BLM: variants seen among roughly 807,000 people sequenced by gnomAD.
The protein encoded by BLM is BLM RecQ like helicase.
In BLM, 95 loss-of-function variants were observed where a neutral mutation model predicts 135.3. The ratio of observed to expected loss-of-function variants is 0.70; its 90% confidence interval spans 0.59 to 0.83. The LOEUF (loss-of-function observed/expected upper bound fraction) is 0.83. Among genes scored for constraint, BLM ranks in the 40% least tolerant of loss-of-function variants. The pLI is 0.00. For synonymous variants in BLM, 520 were observed against 589.2 expected (o/e 0.88, Z 1.70); for missense variants, 1,518 against 1,663.9 (o/e 0.91, Z 1.53).
chr15:90,796,875 A>T (rs1054376905), intron 16 of BLM, among the ~76,000 whole-genome samples: 1 of 152,224 alleles, frequency 6.6e-6, no homozygotes, highest in Non-Finnish European at 1.5e-5. Context: ...TTAGGAGGAC[A>T]TCTGAGGTTG....
chr15:90,749,774 T>G lies in BLM; in HGVS notation c.506T>G (p.Phe169Cys), dbSNP rs1013299710. 1 of 1,612,710 alleles carries G rather than the reference T, an allele frequency of 6.2e-7. No individual in the cohort carries two copies. The stretch of plus-strand genomic sequence containing the variant: ...GATACTTCTGAGACTTCAAAATCAT[T>G]TGTTACACCACCCCAAAGTCACTTT... ...DFDTSETSKSFVTPPQSHFVR... is the reference protein window; with the variant it reads ...DFDTSETSKSCVTPPQSHFVR... The change falls in exon 3 of 22, where the codon TTT (phenylalanine) becomes TGT (cysteine). Residue 169 changes from phenylalanine to cysteine, a missense_variant. Physicochemically the swap from Phe to Cys is radical, Grantham distance 205. Around this residue, in one of 5 missense-constraint regions of BLM, gnomAD observed 724 missense variants for 756.9 expected, o/e 0.96. Coordinates refer to ENST00000355112, the MANE Select transcript of BLM (RefSeq NM_000057.4).
intron 17 of BLM, among the ~76,000 whole-genome samples, chr15:90,801,477 T>C (rs1224207068): frequency 2.6e-5 from 4 of 152,152 alleles, no homozygotes; most frequent in Admixed American, 1.3e-4. Flanking sequence ...AGAAGTTCTA[T>C]TGAAAGTTAG....
intron 10 of BLM, among the ~76,000 whole-genome samples, chr15:90,767,533 T>C (rs1222303139): frequency 2.6e-5 from 4 of 152,240 alleles, no homozygotes; most frequent in Admixed American, 6.5e-5. Flanking sequence ...TTCGGAATTG[T>C]CCCTCAATTT....
In BLM at chr15:90,751,943, T is replaced by C; in HGVS notation, c.956T>C (p.Leu319Pro). The part of the protein sequence containing the change: ...ISASSSSSKC[L>P]STLKDLDTSD... ...GCTTCTTCTTCCTCTTCAAAATGCC[T>C]TAGGTAAACTAGCTAAATAATTAGC... Residue 319 changes from leucine (L) to proline (P), a missense_variant, in exon 4 of 22, where the codon CTT becomes CCT. Coordinates refer to ENST00000355112, the MANE Select transcript of BLM (RefSeq NM_000057.4). 1 of 1,608,342 alleles carries C rather than the reference T, an allele frequency of 6.2e-7. No homozygotes were observed. The highest frequency in any genetic ancestry group is 1.7e-5 in the Admixed American group (1 of 60,002).
chr15:90,767,073 C>A, intron 10 of BLM, 50 bp downstream of exon 10: 1 of 1,192,810 alleles, frequency 8.4e-7, no homozygotes, highest in Non-Finnish European at 1.2e-6. Context: ...CACTAGAATA[C>A]ATATATTTTT....
chr15:90,781,167 C>T (rs1567051440), intron 12 of BLM, among the ~76,000 whole-genome samples: 2 of 152,170 alleles, frequency 1.3e-5, no homozygotes, highest in Non-Finnish European at 2.9e-5. Context: ...GAGTCAGCCA[C>T]ATTTTATTTG....
At chr15:90,803,767 C>T in intron 18 of BLM, 47 bp downstream of exon 18, 1 of 1,546,754 alleles carries the variant, frequency 6.5e-7, no homozygotes, top group Non-Finnish European at 8.9e-7. Context: ...ATGAGTGAAC[C>T]AAAATATATT....
rs1018540956 is a variant in BLM at position 90,809,226 on chromosome 15, G to C, written c.3841G>C (p.Val1281Leu). The C allele has an allele frequency of 1.9e-6, 3 of 1,614,080 alleles. No individual in the cohort carries two copies. The highest frequency in any genetic ancestry group is 2.5e-6 in the Non-Finnish European group (3 of 1,180,050). The change falls in exon 20 of 22, where the codon GTA becomes CTA. Residue 1281 changes from valine (V) to leucine (L), a missense_variant. By Grantham distance (32) the Val-to-Leu change is conservative (BLOSUM62 1). Around this residue, in one of 5 missense-constraint regions of BLM, gnomAD observed 153 missense variants for 173.4 expected, o/e 0.88. Coordinates refer to ENST00000355112, the MANE Select transcript of BLM (RefSeq NM_000057.4). ...LEKYGAEVIS[V>L]LQKYSEWTSP... Reference sequence around the variant, plus strand: ...AAAATATGGTGCGGAAGTGATTTCAGTATTACAGAAATACTCTGAATGGAC... The same window carrying C: ...AAAATATGGTGCGGAAGTGATTTCACTATTACAGAAATACTCTGAATGGAC...
intron 17 of BLM, among the ~76,000 whole-genome samples, chr15:90,799,798 T>A (rs1897122994): frequency 6.6e-6 from 1 of 151,974 alleles, no homozygotes; most frequent in Non-Finnish European, 1.5e-5. Flanking sequence ...AAAGACAGAT[T>A]TAGTCATGTG....
At chr15:90,772,472 G>C (rs1284887126) in intron 12 of BLM, among the ~76,000 whole-genome samples, 1 of 152,152 alleles carries the variant, frequency 6.6e-6, no homozygotes, top group Non-Finnish European at 1.5e-5. Context: ...GTCATTTTAA[G>C]TGTATTTACC....
At chr15:90,748,812 C>T (rs1261119051) in intron 2 of BLM, among the ~76,000 whole-genome samples, 3 of 150,148 alleles carry the variant, frequency 2.0e-5, no homozygotes, top group African/African-American at 4.9e-5. Flanking sequence ...GGCTGGAGTG[C>T]GGCAGTATAG....
intron 6 of BLM, 23 bp downstream of exon 6, chr15:90,760,302 G>T (rs1895938284): frequency 6.2e-7 from 1 of 1,613,484 alleles, no homozygotes; most frequent in Non-Finnish European, 8.5e-7. Flanking sequence ...TCCCCCTTCT[G>T]GAATATATCT....
intron 12 of BLM, among the ~76,000 whole-genome samples, chr15:90,780,934 G>A (rs539061409): frequency 6.6e-6 from 1 of 152,338 alleles, no homozygotes; most frequent in African/African-American, 2.4e-5. Context: ...TCAGGGACTT[G>A]AGCATCCTTG....
intron 14 of BLM, among the ~76,000 whole-genome samples, chr15:90,789,987 G>GTTTTTTTTTTTTTTTTTTTTTT (rs61059865): frequency 1.7e-5 from 1 of 57,358 alleles, no homozygotes. Context: ...AGTCCCTGGT[G>GTTTTTTTTTTTTTTTTTTTTTT]TTTTTTTTTT....
chr15:90,755,107 C>T, intron 5 of BLM, 169 bp downstream of exon 5: 1 of 802,516 alleles, frequency 1.2e-6, no homozygotes, highest in African/African-American at 1.7e-5. Context: ...CAGCATTTGC[C>T]TGAACAACTC....
intron 14 of BLM, 149 bp downstream of exon 14, chr15:90,785,230 C>A: frequency 1.1e-6 from 1 of 924,342 alleles, no homozygotes; most frequent in Non-Finnish European, 1.6e-6. Flanking sequence ...TTCTTTGAGA[C>A]TTCTAAAGTT....
chr15:90,723,875 A>T (rs1272366036), intron 1 of BLM, among the ~76,000 whole-genome samples: 1 of 151,668 alleles, frequency 6.6e-6, no homozygotes, highest in East Asian at 1.9e-4. Context: ...TATTTTAGAT[A>T]CCTCGTTGCA....
At chr15:90,764,204 C>A (rs1417336529) in intron 8 of BLM, among the ~76,000 whole-genome samples, 1 of 149,404 alleles carries the variant, frequency 6.7e-6, no homozygotes, top group Non-Finnish European at 1.5e-5. Context: ...TCCTTCCACC[C>A]CAATTTCAAC....
chr15:90,784,014 C>T lies in BLM; in HGVS notation c.2663-907C>T, dbSNP rs577810915. ...GTATTTTTCTATGCATTTTTTTCTA[C>T]TAGCATACTATATACGTTTCTACCG... On this transcript the variant is annotated intron_variant, in intron 13 of 21. Transcript: ENST00000355112. Among the ~76,000 whole-genome samples, 7 of 152,202 alleles carry T rather than the reference C, an allele frequency of 4.6e-5. No individual in the cohort carries two copies. In the South Asian group the frequency reaches 1.0e-3, roughly 23 times the overall value.
Sources: gnomAD v4.1 joint callset for allele counts (sites outside exome capture counted in the v4.1 genomes callset) on GRCh38, gnomAD v4.1.1 for gene constraint, gnomAD v4.1.1 regional missense constraint, MANE v1.5 for transcripts, NCBI Gene and HGNC (gene_info 2026-07-23, HGNC 2026-07-21) for gene names.